ZNF385D: variants seen among roughly 807,000 people sequenced by gnomAD.
The protein encoded by ZNF385D is zinc finger protein 659.
ZNF385D carries 15 observed loss-of-function variants against 35.8 expected under a neutral mutation model. The ratio of observed to expected loss-of-function variants is 0.42; its 90% CI spans 0.28 to 0.64. The LOEUF (loss-of-function observed/expected upper bound fraction) is 0.64. Among genes scored for constraint, ZNF385D ranks in the 30% least tolerant of loss-of-function variants. The pLI, the probability that ZNF385D is intolerant of heterozygous loss-of-function variation, is 0.23. For missense variants in ZNF385D, 474 were observed against 494.6 expected, an observed-to-expected ratio of 0.96 and a Z score of 0.39; for synonymous variants, 212 against 186.8, an observed-to-expected ratio of 1.13 and a Z score of -1.10.
At chr3:21,710,463 G>T (rs540141038) in intron 1 of ZNF385D, among the ~76,000 whole-genome samples, 1 of 152,184 alleles carries the variant, frequency 6.6e-6, no homozygotes, top group Non-Finnish European at 1.5e-5. Context: ...TCCTTAAGGT[G>T]CACTGGCTTC....
Position 22,143,858 on chromosome 3 carries a change from GTAT to G in ZNF385D, c.325+24956_325+24958del, listed in dbSNP as rs551488342. Among the ~76,000 whole-genome samples, 16 of 152,190 alleles carry G rather than the reference GTAT, an allele frequency of 1.1e-4. No individual in the cohort carries two copies. The East Asian group carries it at 3.1e-3, about 29-fold the overall frequency. The stretch of plus-strand genomic sequence containing the variant: ...TCATGTACTATTGTAACTACACAAT[GTAT>G]TATTTCTTTGTCATTAACATCATAC... On this transcript the variant is annotated intron_variant, in intron 3 of 5. Transcript: ENST00000494108.
At chr3:22,081,168 T>C (rs1351554926) in intron 3 of ZNF385D, among the ~76,000 whole-genome samples, 1 of 152,218 alleles carries the variant, frequency 6.6e-6, no homozygotes, top group Non-Finnish European at 1.5e-5. Flanking sequence ...ATGTTCAATC[T>C]ATGATTTTTA....
At chr3:21,911,116 A>G (rs1699940746) in intron 3 of ZNF385D, among the ~76,000 whole-genome samples, 2 of 151,956 alleles carry the variant, frequency 1.3e-5, no homozygotes, top group South Asian at 2.1e-4. Flanking sequence ...CTTACATATA[A>G]TATTGGCTCT....
At chr3:21,730,173 T>C (rs1270131494) in intron 1 of ZNF385D, among the ~76,000 whole-genome samples, 2 of 152,164 alleles carry the variant, frequency 1.3e-5, no homozygotes, top group African/African-American at 4.8e-5. Context: ...GGAGTGAAAC[T>C]GAACAACCTG....
At chr3:21,850,131 A>C (rs929874884) in intron 3 of ZNF385D, among the ~76,000 whole-genome samples, 1 of 147,686 alleles carries the variant, frequency 6.8e-6, no homozygotes, top group African/African-American at 2.5e-5. Flanking sequence ...AAGCTGTTAT[A>C]TCTCTCTTTC....
At chr3:21,525,257 A>T (rs979615161) in intron 3 of ZNF385D, among the ~76,000 whole-genome samples, 1 of 152,192 alleles carries the variant, frequency 6.6e-6, no homozygotes, top group Non-Finnish European at 1.5e-5. Context: ...CAGTTTTTAA[A>T]TTGACCTCTT....
At chr3:21,992,207 A>T (rs1250636961) in intron 3 of ZNF385D, among the ~76,000 whole-genome samples, 1 of 152,094 alleles carries the variant, frequency 6.6e-6, no homozygotes, top group East Asian at 1.9e-4. Context: ...CATAATATCT[A>T]ATTTCACAGA....
intron 4 of ZNF385D, among the ~76,000 whole-genome samples, chr3:21,472,389 T>C (rs1023232876): frequency 1.3e-5 from 2 of 152,040 alleles, no homozygotes; most frequent in Non-Finnish European, 2.9e-5. Flanking sequence ...AAAAAGTTAG[T>C]AGGGTATCCC....
chr3:21,825,329 T>G (rs1694532239), intron 3 of ZNF385D, among the ~76,000 whole-genome samples: 1 of 152,214 alleles, frequency 6.6e-6, no homozygotes, highest in African/African-American at 2.4e-5. Context: ...TTACCAGAAC[T>G]ATCTGTCACT....
intron 4 of ZNF385D, among the ~76,000 whole-genome samples, chr3:21,484,332 A>G (rs1421216963): frequency 1.3e-5 from 2 of 152,074 alleles, no homozygotes; most frequent in South Asian, 4.1e-4. Flanking sequence ...ATGTTACAAA[A>G]CTGCTTTAGG....
At chr3:22,233,326 G>A (rs868175223) in intron 2 of ZNF385D, among the ~76,000 whole-genome samples, 2 of 132,374 alleles carry the variant, frequency 1.5e-5, no homozygotes, top group Admixed American at 1.4e-4. Flanking sequence ...ACACAAAAGG[G>A]TAAGTACTAT....
At chr3:22,279,545 T>C (rs1323752465) in intron 2 of ZNF385D, among the ~76,000 whole-genome samples, 1 of 139,952 alleles carries the variant, frequency 7.1e-6, no homozygotes, top group Non-Finnish European at 1.5e-5. Flanking sequence ...TATATATGTA[T>C]ATACATATAC....
intron 4 of ZNF385D, among the ~76,000 whole-genome samples, chr3:21,463,559 G>A (rs756020198): frequency 1.3e-4 from 20 of 152,142 alleles, no homozygotes; most frequent in Non-Finnish European, 2.6e-4. Flanking sequence ...GTGAGGAGCT[G>A]TGAAGCCCCT....
At chr3:22,012,634 C>T (rs1241588882) in intron 3 of ZNF385D, among the ~76,000 whole-genome samples, 1 of 152,102 alleles carries the variant, frequency 6.6e-6, no homozygotes, top group Non-Finnish European at 1.5e-5. Flanking sequence ...GGATATGATA[C>T]TTTCCAGAGC....
chr3:22,369,041 C>A (rs1447104264), intron 2 of ZNF385D, among the ~76,000 whole-genome samples: 1 of 152,164 alleles, frequency 6.6e-6, no homozygotes, highest in African/African-American at 2.4e-5. Flanking sequence ...TGATTTTCAA[C>A]TCACCAGCTT....
chr3:22,200,156 A>T (rs562256822), intron 2 of ZNF385D, among the ~76,000 whole-genome samples: 1 of 152,224 alleles, frequency 6.6e-6, no homozygotes, highest in South Asian at 2.1e-4. Context: ...TACATATCAT[A>T]AATTTGATTA....
intron 3 of ZNF385D, among the ~76,000 whole-genome samples, chr3:21,806,272 T>C (rs768063222): frequency 2.0e-5 from 3 of 151,678 alleles, no homozygotes; most frequent in Non-Finnish European, 2.9e-5. Context: ...TTGTATTTGG[T>C]ACCTGAAAAA....
At chr3:22,042,596 A>G (rs577021485) in intron 3 of ZNF385D, among the ~76,000 whole-genome samples, 3 of 152,234 alleles carry the variant, frequency 2.0e-5, no homozygotes, top group East Asian at 3.9e-4. Context: ...TGGCAAAGCT[A>G]TCAAGCTCTG....
intron 1 of ZNF385D, among the ~76,000 whole-genome samples, chr3:21,687,713 T>C (rs2067151538): frequency 6.6e-6 from 1 of 152,170 alleles, no homozygotes; most frequent in Admixed American, 6.6e-5. Context: ...CTAAAAATTC[T>C]CTTAATATGT....
Sources: allele counts gnomAD v4.1 joint callset (sites outside exome capture counted in the v4.1 genomes callset), GRCh38; gene constraint gnomAD v4.1.1; transcripts MANE v1.5; gene names NCBI Gene and HGNC (gene_info 2026-07-23, HGNC 2026-07-21).